DNAJC15: variants seen among roughly 807,000 people sequenced by gnomAD.
The protein encoded by DNAJC15 is DnaJ heat shock protein family (Hsp40) member C15.
In DNAJC15, 27 loss-of-function variants were observed where a neutral mutation model predicts 22.4. That is an observed-to-expected ratio of 1.20 (90% confidence interval 0.89 to 1.66). The LOEUF (loss-of-function observed/expected upper bound fraction) is 1.66, where lower values mean the gene tolerates loss of function less well. Among genes scored for constraint, DNAJC15 ranks in the 40% most tolerant of loss-of-function variants. The probability of loss-of-function intolerance (pLI) is 0.00; values close to 1 mark genes in which losing one functional copy is unlikely to be tolerated. For synonymous variants in DNAJC15, 79 were observed against 63.2 expected (o/e 1.25, Z -1.19); for missense variants, 208 against 187.1 (o/e 1.11, Z -0.65).
chr13:43,092,131 T>G (rs1288570824), intron 5 of DNAJC15, among the ~76,000 whole-genome samples: 1 of 152,184 alleles, frequency 6.6e-6, no homozygotes, highest in Non-Finnish European at 1.5e-5. Flanking sequence ...TGTTTCTTCA[T>G]TTAGATTTTT....
intron 4 of DNAJC15, among the ~76,000 whole-genome samples, chr13:43,079,750 C>T (rs2040653050): frequency 2.0e-5 from 3 of 152,146 alleles, no homozygotes; most frequent in Non-Finnish European, 4.4e-5. Context: ...TTGAGGATAT[C>T]CTTTAATATT....
At chr13:43,099,863 CCA>C (rs1449690102) in intron 5 of DNAJC15, among the ~76,000 whole-genome samples, 1 of 151,974 alleles carries the variant, frequency 6.6e-6, no homozygotes, top group Non-Finnish European at 1.5e-5. Context: ...ATCTTTGCAT[CCA>C]CACTTATAAG....
intron 1 of DNAJC15, among the ~76,000 whole-genome samples, chr13:43,063,635 C>T (rs923809197): frequency 6.8e-6 from 1 of 148,090 alleles, no homozygotes; most frequent in African/African-American, 2.5e-5. Context: ...CTGACTTAGT[C>T]TTTTGCCCGT....
intron 2 of DNAJC15, 36 bp from the exon 3 acceptor site, chr13:43,068,894 G>A: frequency 6.3e-7 from 1 of 1,576,130 alleles, no homozygotes; most frequent in Non-Finnish European, 8.7e-7. Flanking sequence ...TTTGATTATA[G>A]AAAATACATT....
At chr13:43,060,647 AAG>A (rs1180899756) in intron 1 of DNAJC15, among the ~76,000 whole-genome samples, 1 of 152,228 alleles carries the variant, frequency 6.6e-6, no homozygotes, top group Non-Finnish European at 1.5e-5. Context: ...TTTTGGAGGA[AAG>A]AGAAATGCAA....
At chr13:43,073,032 T>A (rs540539722) in intron 3 of DNAJC15, among the ~76,000 whole-genome samples, 5 of 152,358 alleles carry the variant, frequency 3.3e-5, no homozygotes, top group African/African-American at 1.2e-4. Flanking sequence ...AAGTCAGTTG[T>A]TATGTGTTCA....
At chr13:43,024,893 T>TAAA (rs34398144) in intron 1 of DNAJC15, among the ~76,000 whole-genome samples, 13 of 85,952 alleles carry the variant, frequency 1.5e-4, no homozygotes, top group South Asian at 1.4e-3. Context: ...CCATCTCTGC[T>TAAA]AAAAAAAAAA....
At position 43,106,973 on chromosome 13, in the gene DNAJC15, G is replaced by GT. The variant is rs201108624; in HGVS notation, c.383-196dup. Among the ~76,000 whole-genome samples the GT allele has an allele frequency of 1.9e-3, 280 of 150,766 alleles. 1 individual carries two copies. Among genetic ancestry groups the GT allele is most frequent in the South Asian group, 5.0e-3 (24 of 4,780 alleles). ...CTTTCTTTCATCATTTTTCTCAGAG[G>GT]TTTTTTTTTATTGTTGGGTAGTTGT... On this transcript the variant is annotated intron_variant, in intron 5 of 5. Coordinates refer to ENST00000379221, the MANE Select transcript of DNAJC15 (RefSeq NM_013238.3).
chr13:43,059,848 G>T (rs575439069), intron 1 of DNAJC15, among the ~76,000 whole-genome samples: 1 of 151,946 alleles, frequency 6.6e-6, no homozygotes, highest in South Asian at 2.1e-4. Context: ...GCAATGTTTC[G>T]CGGGCATGGG....
At chr13:43,068,884 T>C in intron 2 of DNAJC15, 46 bp from the exon 3 acceptor site, 1 of 1,544,200 alleles carries the variant, frequency 6.5e-7, no homozygotes, top group South Asian at 1.2e-5. Context: ...GTTGATTGAT[T>C]TTGATTATAG....
rs750914788 is a variant in DNAJC15 at position 43,046,689 on chromosome 13, C to T, written c.109-18997C>T. ...CCCCTTTGGGTCCTCTCACATTGTA[C>T]GGGAGCTCTGTTTTCATTCTATTAA... On this transcript the variant is annotated intron_variant, in intron 1 of 5. Transcript: ENST00000379221. Among the ~76,000 whole-genome samples, 5 of 152,138 alleles carry T rather than the reference C, an allele frequency of 3.3e-5. No individual in the cohort carries two copies. The East Asian group carries it at 5.8e-4, about 18-fold the overall frequency.
intron 5 of DNAJC15, among the ~76,000 whole-genome samples, chr13:43,087,000 T>C (rs551804821): frequency 6.6e-6 from 1 of 152,316 alleles, no homozygotes; most frequent in African/African-American, 2.4e-5. Flanking sequence ...CATTGTGGCC[T>C]TGAAAACTCC....
chr13:43,078,672 C>T lies in DNAJC15; in HGVS notation c.295C>T (p.Leu99Phe). Residue 99 changes from leucine (L) to phenylalanine (F), a missense_variant, in exon 4 of 6, where the codon CTT becomes TTT. Coordinates refer to ENST00000379221, the MANE Select transcript of DNAJC15 (RefSeq NM_013238.3). ...GAAAATGAGTAGGCGAGAAGCTGGT[C>T]TTATTTTAGGTGTAAGGTAGGTGTG... ...EQKMSRREAG[L>F]ILGVSPSAGK... is the part of the protein sequence containing the mutation. The T allele has an allele frequency of 6.2e-7, 1 of 1,613,202 alleles. No homozygotes were observed. Among genetic ancestry groups the T allele is most frequent in the Non-Finnish European group, 8.5e-7 (1 of 1,179,530 alleles).
chr13:43,053,002 G>C lies in DNAJC15; in HGVS notation c.109-12684G>C, dbSNP rs182731098. On this transcript the variant is annotated intron_variant, in intron 1 of 5. Transcript: ENST00000379221. ...TCTTTGCCTAAACCAATGTTTGGAA[G>C]GGTTTTTCTGATGTTATCTTCTATA... Among the ~76,000 whole-genome samples, 4 of 152,240 alleles carry C rather than the reference G, an allele frequency of 2.6e-5. No homozygotes were observed. The East Asian group carries it at 7.7e-4, about 29-fold the overall frequency.
At chr13:43,080,820 C>T (rs996396819) in intron 4 of DNAJC15, among the ~76,000 whole-genome samples, 7 of 152,138 alleles carry the variant, frequency 4.6e-5, no homozygotes, top group Non-Finnish European at 1.0e-4. Flanking sequence ...CTGTCACGAA[C>T]GCAGAAGCTA....
At chr13:43,072,125 C>A (rs1199674769) in intron 3 of DNAJC15, among the ~76,000 whole-genome samples, 1 of 152,040 alleles carries the variant, frequency 6.6e-6, no homozygotes, top group African/African-American at 2.4e-5. Flanking sequence ...TGTAGACAAC[C>A]TATTGTTTTG....
chr13:43,039,237 G>A (rs1038746379), intron 1 of DNAJC15, among the ~76,000 whole-genome samples: 1 of 152,056 alleles, frequency 6.6e-6, no homozygotes, highest in Non-Finnish European at 1.5e-5. Flanking sequence ...TGTGGGTTTT[G>A]GCTAATGTTC....
At chr13:43,034,848 A>G (rs772377002) in intron 1 of DNAJC15, among the ~76,000 whole-genome samples, 6 of 152,078 alleles carry the variant, frequency 3.9e-5, no homozygotes, top group African/African-American at 1.2e-4. Context: ...ATGGTGCTCT[A>G]GGCTCATTTT....
At chr13:43,065,146 A>G (rs2040577650) in intron 1 of DNAJC15, among the ~76,000 whole-genome samples, 1 of 152,188 alleles carries the variant, frequency 6.6e-6, no homozygotes, top group African/African-American at 2.4e-5. Flanking sequence ...TATATCTGAC[A>G]TTCTGAATTT....
Sources: allele counts gnomAD v4.1 joint callset (sites outside exome capture counted in the v4.1 genomes callset), GRCh38; gene constraint gnomAD v4.1.1; transcripts MANE v1.5; gene names NCBI Gene and HGNC (gene_info 2026-07-23, HGNC 2026-07-21).